Variants in SLC4A5 observed in about 807,000 individuals in gnomAD.
SLC4A5 encodes the protein solute carrier family 4 member 5, also known as electrogenic sodium bicarbonate cotransporter 4.
Under a neutral mutation model 120.4 loss-of-function variants are expected in SLC4A5, and 96 were observed. The ratio of observed to expected loss-of-function variants is 0.80; its 90% CI spans 0.68 to 0.94. The LOEUF (loss-of-function observed/expected upper bound fraction) is 0.94. Among genes scored for constraint, SLC4A5 ranks in the 40% least tolerant of loss-of-function variants. SLC4A5 has a pLI of 0.00. For synonymous variants in SLC4A5, 550 were observed against 571.1 expected (o/e 0.96, Z 0.53); for missense variants, 1,259 against 1,459.5 (o/e 0.86, Z 2.24).
At chr2:74,224,330 C>A (rs542073203) in intron 28 of SLC4A5, among the ~76,000 whole-genome samples, 2 of 152,032 alleles carry the variant, frequency 1.3e-5, no homozygotes, top group African/African-American at 4.8e-5. Context: ...CTCCTTTTGG[C>A]GAGGATACCT....
At position 74,239,956 on chromosome 2, in the gene SLC4A5, C is replaced by G. The variant is rs897197944; in HGVS notation, c.2119-421G>C. On this transcript the variant is annotated intron_variant, in intron 20 of 30. Transcript: ENST00000394019. ...TTGGGTCATTTCAGCCATTCCCCAC[C>G]TTGGTGTCTCAGATGCCTAAAATCC... 2.0e-5 allele frequency among the ~76,000 whole-genome samples: 3 copies of G among 150,596 alleles called. No homozygotes were observed. The East Asian group carries it at 5.9e-4, about 30-fold the overall frequency.
intron 14 of SLC4A5, 151 bp from the exon 15 acceptor site, chr2:74,253,279 T>C (rs768437146): frequency 2.0e-5 from 19 of 928,364 alleles, no homozygotes; most frequent in South Asian, 4.6e-5. Flanking sequence ...CTATAGTACA[T>C]TGGTAAAATA....
chr2:74,240,250 C>T (rs2103946011), intron 20 of SLC4A5, among the ~76,000 whole-genome samples: 1 of 152,114 alleles, frequency 6.6e-6, no homozygotes, highest in East Asian at 1.9e-4. Flanking sequence ...CCAACTTTTT[C>T]CCAACCTTGA....
intron 25 of SLC4A5, among the ~76,000 whole-genome samples, chr2:74,228,616 ACT>A (rs1694933826): frequency 6.6e-6 from 1 of 150,972 alleles, no homozygotes; most frequent in African/African-American, 2.4e-5. Context: ...GGCGAAAGAG[ACT>A]CTGTCTCAAA....
At chr2:74,231,510 T>A (rs146503706) in intron 24 of SLC4A5, among the ~76,000 whole-genome samples, 2 of 152,196 alleles carry the variant, frequency 1.3e-5, no homozygotes, top group Non-Finnish European at 2.9e-5. Context: ...GGCAAGGGCA[T>A]CTTGCAGGAG....
At chr2:74,237,930 C>T (rs578126494) in intron 21 of SLC4A5, among the ~76,000 whole-genome samples, 11 of 152,020 alleles carry the variant, frequency 7.2e-5, no homozygotes, top group South Asian at 4.2e-4. Flanking sequence ...GGTGAAACCC[C>T]GTCTCAACTA....
intron 6 of SLC4A5, chr2:74,306,650 TTC>T (rs1347671499): frequency 1.5e-5 from 8 of 522,144 alleles, no homozygotes; most frequent in Admixed American, 3.3e-5. Flanking sequence ...GATAGTTCAT[TTC>T]TTTTTTTTTT....
At chr2:74,239,566 C>G (rs753032969) in intron 20 of SLC4A5, 31 bp from the exon 21 acceptor site, 2 of 1,607,400 alleles carry the variant, frequency 1.2e-6, no homozygotes, top group Non-Finnish European at 1.7e-6. Context: ...GAGAATGGGT[C>G]AGCATCTTCC....
At chr2:74,317,150 G>C (rs908596223) in intron 5 of SLC4A5, among the ~76,000 whole-genome samples, 1 of 152,150 alleles carries the variant, frequency 6.6e-6, no homozygotes, top group African/African-American at 2.4e-5. Flanking sequence ...GCCTGTCTCT[G>C]ATCTAACCCT....
chr2:74,245,268 G>A (rs550739341), intron 19 of SLC4A5, among the ~76,000 whole-genome samples: 53 of 152,218 alleles, frequency 3.5e-4, no homozygotes, highest in African/African-American at 1.1e-3. Context: ...GCAGTGAGCC[G>A]AGATCGCGCC....
chr2:74,332,195 A>T (rs528884513), intron 4 of SLC4A5, among the ~76,000 whole-genome samples: 1 of 152,320 alleles, frequency 6.6e-6, no homozygotes, highest in African/African-American at 2.4e-5. Flanking sequence ...TCTCATTCTC[A>T]AAGTCCAGCA....
At chr2:74,299,011 A>T (rs1672403549) in intron 7 of SLC4A5, among the ~76,000 whole-genome samples, 2 of 152,220 alleles carry the variant, frequency 1.3e-5, no homozygotes, top group African/African-American at 2.4e-5. Flanking sequence ...ACCTGGTGGC[A>T]GGTAATTTAA....
exon 23 of SLC4A5, chr2:74,233,428 C>T (rs1273115066): frequency 6.2e-7 from 1 of 1,614,096 alleles, no homozygotes; most frequent in Admixed American, 1.7e-5. Context: ...TTCCGGTTGA[C>T]AATGACGGCA....
At chr2:74,247,260 T>C (rs1558876153) in exon 19 of SLC4A5, 1 of 1,614,008 alleles carries the variant, frequency 6.2e-7, no homozygotes, top group Non-Finnish European at 8.5e-7. Flanking sequence ...GACAGCTGAG[T>C]GTAGGCCAAT....
chr2:74,310,332 G>A (rs1019675654), intron 6 of SLC4A5, among the ~76,000 whole-genome samples: 1 of 152,078 alleles, frequency 6.6e-6, no homozygotes, highest in East Asian at 1.9e-4. Flanking sequence ...TTTCCAGTAT[G>A]ATATTGAAAA....
At chr2:74,264,404 G>C in intron 9 of SLC4A5, 105 bp from the exon 10 acceptor site, 1 of 1,333,834 alleles carries the variant, frequency 7.5e-7, no homozygotes, top group Non-Finnish European at 1.0e-6. Context: ...GTGGCAGAGG[G>C]GGTGTGGAAG....
At chr2:74,281,932 A>T (rs567625731) in intron 8 of SLC4A5, among the ~76,000 whole-genome samples, 6 of 152,002 alleles carry the variant, frequency 3.9e-5, no homozygotes, top group Non-Finnish European at 7.4e-5. Context: ...GCTGTCCCCT[A>T]CTCCCTATCA....
rs1404672249 is a variant in SLC4A5, at chr2:74,306,909, T to C, written c.80-2229A>G. 10 of 625,936 alleles carry C rather than the reference T, an allele frequency of 1.6e-5. No individual in the cohort carries two copies. The East Asian group carries it at 3.3e-4, about 20-fold the overall frequency. 38.8% of individuals were successfully genotyped at this position (625,936 alleles called of 1,614,324 possible). A position where few individuals can be genotyped will look rare whatever the true frequency, so the allele number is the denominator to read the frequency against. On this transcript the variant is annotated intron_variant, in intron 6 of 30. Coordinates refer to ENST00000394019, the Ensembl canonical transcript of SLC4A5. ...GGTGATCTCAGCCTCCAGCTTGAGC[T>C]TGATGTTCAGCAGGGCCTTGTACTC...
At chr2:74,265,075 A>G in intron 9 of SLC4A5, 29 bp downstream of exon 9, 1 of 1,599,702 alleles carries the variant, frequency 6.3e-7, no homozygotes, top group Non-Finnish European at 8.5e-7. Context: ...GGACCACAGG[A>G]GAGATGCACA....
Sources: gnomAD v4.1 joint callset for allele counts (sites outside exome capture counted in the v4.1 genomes callset) on GRCh38, gnomAD v4.1.1 for gene constraint, MANE v1.5 for transcripts, NCBI Gene and HGNC (gene_info 2026-07-23, HGNC 2026-07-21) for gene names.